The following SRGAP3 variants were observed in gnomAD, a reference collection of about 807,000 sequenced individuals.
The protein encoded by SRGAP3 is SLIT-ROBO Rho GTPase-activating protein 3.
A neutral mutation model predicts 121.1 loss-of-function variants in SRGAP3; 39 were observed. The ratio of observed to expected loss-of-function variants is 0.32; its 90% CI spans 0.25 to 0.42. SRGAP3 has a LOEUF of 0.42. Among genes scored for constraint, SRGAP3 ranks in the 10% least tolerant of loss-of-function variants. The pLI is 1.00. For missense variants in SRGAP3, 1,213 were observed against 1,470.6 expected (o/e 0.82, Z 2.86); for synonymous variants, 601 against 570.0 (o/e 1.05, Z -0.77).
intron 3 of SRGAP3, among the ~76,000 whole-genome samples, chr3:9,306,221 G>A (rs1363185872): frequency 6.6e-6 from 1 of 152,210 alleles, no homozygotes. Flanking sequence ...CTTTTGAGAA[G>A]CGTCTGTTCA....
At position 9,345,183 on chromosome 3, in the gene SRGAP3, G is replaced by A. The variant is rs1052817084; in HGVS notation, n.215-14587C>T. On this transcript the variant is annotated intron_variant and non_coding_transcript_variant, in intron 1 of 3. Coordinates refer to the SRGAP3 transcript ENST00000490889. ...TTGTGACTCAAAGACTGGGAGAACT[G>A]TTGCAGGTTCAAGAACAGAAAAGCA... 5.3e-5 allele frequency among the ~76,000 whole-genome samples: 8 copies of A among 152,178 alleles called. No homozygotes were observed. The East Asian group carries it at 1.5e-3, about 29-fold the overall frequency.
rs759323610 is a variant in SRGAP3, at chr3:8,985,927, G to C, written c.2892C>G (p.Ile964Met). The change falls in exon 22 of 22, where the codon ATC becomes ATG. Residue 964 changes from isoleucine to methionine, a missense_variant. Ile to Met is a conservative substitution (Grantham distance 10). This residue lies in a region of SRGAP3 where 420 missense variants were observed against 437.7 expected (regional missense o/e 0.96). Coordinates refer to ENST00000383836, the MANE Select transcript of SRGAP3 (RefSeq NM_014850.4). The surrounding 1 kb of genome is among the most constrained non-coding windows in gnomAD (Gnocchi z 5.1). Reference protein sequence around the residue: ...SLEAEALAEDIEKTMSTALHE... With the variant: ...SLEAEALAEDMEKTMSTALHE... ...GCAGAGCCGTGCTCATGGTCTTCTC[G>C]ATGTCCTGGGGACAGAGGGAGCTGG... 1.3e-6 allele frequency: 2 copies of C among 1,599,540 alleles called. No individual in the cohort carries two copies. Among genetic ancestry groups the C allele is most frequent in the Admixed American group, 1.7e-5 (1 of 59,994 alleles).
chr3:9,257,344 ACTC>A (rs1332006465), intron 3 of SRGAP3: 1 of 98,164 alleles, frequency 1.0e-5, no homozygotes, highest in Admixed American at 1.4e-4. Flanking sequence ...ACCAAAGCGA[ACTC>A]TCTCTCTTTC....
intron 15 of SRGAP3, 72 bp from the exon 16 acceptor site, chr3:9,013,914 C>T (rs1943498667): frequency 4.9e-6 from 7 of 1,429,570 alleles, no homozygotes; most frequent in East Asian, 2.3e-5. Flanking sequence ...TCGCTCGCCA[C>T]ATCTCCTATA....
chr3:9,070,186 A>G (rs1006916589), intron 4 of SRGAP3, among the ~76,000 whole-genome samples: 2 of 152,220 alleles, frequency 1.3e-5, no homozygotes, highest in African/African-American at 4.8e-5. Flanking sequence ...TAAATGCAAA[A>G]GAAGGCAAAC....
At chr3:9,080,367 C>CA (rs1947181015) in intron 3 of SRGAP3, among the ~76,000 whole-genome samples, 1 of 152,290 alleles carries the variant, frequency 6.6e-6, no homozygotes, top group African/African-American at 2.4e-5. Flanking sequence ...GTGACAGTAG[C>CA]ATATTAAAGA....
intron 3 of SRGAP3, among the ~76,000 whole-genome samples, chr3:9,311,014 A>C (rs1470457906): frequency 1.3e-5 from 2 of 152,010 alleles, no homozygotes; most frequent in Non-Finnish European, 2.9e-5. Flanking sequence ...TACTAAAAAT[A>C]CAAAAATTAG....
At chr3:9,270,956 T>A (rs937345649) in intron 3 of SRGAP3, among the ~76,000 whole-genome samples, 1 of 152,184 alleles carries the variant, frequency 6.6e-6, no homozygotes, top group South Asian at 2.1e-4. Context: ...GCTGCCCAGA[T>A]CCCCCTGCAG....
At chr3:9,278,764 T>C (rs1449607445) in intron 3 of SRGAP3, among the ~76,000 whole-genome samples, 1 of 152,198 alleles carries the variant, frequency 6.6e-6, no homozygotes, top group Non-Finnish European at 1.5e-5. Flanking sequence ...TACCAGACTC[T>C]TTCAGTTGCA....
At chr3:9,126,199 T>C (rs759194034) in intron 1 of SRGAP3, among the ~76,000 whole-genome samples, 10 of 152,128 alleles carry the variant, frequency 6.6e-5, no homozygotes, top group Non-Finnish European at 1.3e-4. Flanking sequence ...CCCCTCTCCT[T>C]TCCTACCTCC....
At position 9,333,891 on chromosome 3, in the gene SRGAP3, G is replaced by A. The variant is rs146449421; in HGVS notation, n.215-3295C>T. ...TGCTATGCCTCATGCTGGGGATAGA[G>A]GTCAACATAAGACTTGGGCTCTGCC... On this transcript the variant is annotated intron_variant and non_coding_transcript_variant, in intron 1 of 3. Transcript: ENST00000490889. Among the ~76,000 whole-genome samples, 1,002 of 152,182 alleles carry A rather than the reference G, an allele frequency of 6.6e-3. 12 individuals are homozygous for A. The highest frequency in any genetic ancestry group is 0.023 in the African/African-American group (954 of 41,522).
intron 1 of SRGAP3, among the ~76,000 whole-genome samples, chr3:9,201,359 C>G (rs1292292754): frequency 6.6e-6 from 1 of 152,204 alleles, no homozygotes; most frequent in East Asian, 1.9e-4. Context: ...GCCTGGAAGC[C>G]AAGGCAGATG....
intron 9 of SRGAP3, among the ~76,000 whole-genome samples, chr3:9,048,230 C>T (rs1945385077): frequency 1.3e-5 from 2 of 152,352 alleles, no homozygotes; most frequent in South Asian, 4.1e-4. Flanking sequence ...CTGCCTGGAA[C>T]TCAGTGGGCC....
intron 2 of SRGAP3, among the ~76,000 whole-genome samples, chr3:9,329,245 C>T (rs538246460): frequency 6.6e-6 from 1 of 152,282 alleles, no homozygotes; most frequent in Admixed American, 6.5e-5. Context: ...CAACCATTCG[C>T]ACAGAAAGAG....
intron 1 of SRGAP3, among the ~76,000 whole-genome samples, chr3:9,246,889 T>C (rs952763900): frequency 6.6e-6 from 1 of 152,138 alleles, no homozygotes; most frequent in East Asian, 1.9e-4. Flanking sequence ...GAATGCCTGG[T>C]AATTGGTGTA....
At chr3:9,077,585 C>T (rs994333561) in intron 4 of SRGAP3, among the ~76,000 whole-genome samples, 1 of 152,122 alleles carries the variant, frequency 6.6e-6, no homozygotes, top group South Asian at 2.1e-4. Flanking sequence ...GTGACCCTCA[C>T]CAGGCTGCTG....
intron 18 of SRGAP3, among the ~76,000 whole-genome samples, chr3:9,009,978 A>AG (rs1943280510): frequency 6.6e-6 from 1 of 152,156 alleles, no homozygotes. Context: ...GGAAGGATGG[A>AG]GGAACAGAGC....
chr3:9,282,770 C>T lies in SRGAP3; in HGVS notation n.442+43240G>A, dbSNP rs573287100. Among the ~76,000 whole-genome samples the T allele has an allele frequency of 5.3e-5, 8 of 152,100 alleles. No homozygotes were observed. In the East Asian group the frequency reaches 1.5e-3, roughly 29 times the overall value. On this transcript the variant is annotated intron_variant and non_coding_transcript_variant, in intron 3 of 3. Coordinates refer to the SRGAP3 transcript ENST00000490889. ...GTGCTGGGATTACAGGAGTGAGTCA[C>T]TGTGCCCAGCCATGATATATTGTTT...
At chr3:9,051,744 C>T (rs531396384) in intron 9 of SRGAP3, among the ~76,000 whole-genome samples, 9 of 122,678 alleles carry the variant, frequency 7.3e-5, no homozygotes, top group Admixed American at 6.5e-4. Flanking sequence ...GATGAAGTCT[C>T]GCTCTGTCAC....
Sources: gnomAD v4.1 joint callset for allele counts (sites outside exome capture counted in the v4.1 genomes callset) on GRCh38, gnomAD v4.1.1 for gene constraint, gnomAD v4.1.1 regional missense constraint, Gnocchi (gnomAD v3.1) non-coding constraint, MANE v1.5 for transcripts, NCBI Gene and HGNC (gene_info 2026-07-23, HGNC 2026-07-21) for gene names.